Variants in AGBL2 observed in about 807,000 individuals in gnomAD.
AGBL2 encodes the protein cytosolic carboxypeptidase 2.
AGBL2 carries 87 observed loss-of-function variants against 103.0 expected under a neutral mutation model. The ratio of observed to expected loss-of-function variants is 0.84; its 90% CI spans 0.71 to 1.01. The LOEUF (loss-of-function observed/expected upper bound fraction) is 1.01, where lower values mean the gene tolerates loss of function less well. Ranked by LOEUF, AGBL2 falls within the 50% of genes least tolerant of loss-of-function variation. AGBL2 has a pLI of 0.00. For synonymous variants in AGBL2, 335 were observed against 356.7 expected, an observed-to-expected ratio of 0.94 and a Z score of 0.69; for missense variants, 904 against 1,023.5, an observed-to-expected ratio of 0.88 and a Z score of 1.59.
intron 8 of AGBL2, among the ~76,000 whole-genome samples, chr11:47,694,565 T>C (rs1468514799): frequency 2.6e-5 from 4 of 152,178 alleles, no homozygotes; most frequent in East Asian, 3.9e-4. Flanking sequence ...CAGGTAGCTA[T>C]GAGCAGTGTA....
intron 17 of AGBL2, among the ~76,000 whole-genome samples, chr11:47,663,546 A>G (rs1009814945): frequency 1.3e-5 from 2 of 150,316 alleles, no homozygotes; most frequent in African/African-American, 4.9e-5. Flanking sequence ...GTGAGGCCTC[A>G]TTATAGTATT....
chr11:47,682,596 G>T (rs775857430), intron 11 of AGBL2, among the ~76,000 whole-genome samples: 1 of 152,088 alleles, frequency 6.6e-6, no homozygotes, highest in Non-Finnish European at 1.5e-5. Context: ...TTCTGTCTAT[G>T]ATGTGTATTC....
intron 14 of AGBL2, among the ~76,000 whole-genome samples, chr11:47,674,200 A>C (rs2097366736): frequency 6.6e-6 from 1 of 152,132 alleles, no homozygotes; most frequent in African/African-American, 2.4e-5. Context: ...GGGGATAAGG[A>C]GTGGCAGGAG....
intron 13 of AGBL2, among the ~76,000 whole-genome samples, chr11:47,678,667 G>T (rs542796758): frequency 6.6e-6 from 1 of 151,220 alleles, no homozygotes; most frequent in South Asian, 2.1e-4. Flanking sequence ...TTGTTTGTTT[G>T]TTTGTTTGGG....
chr11:47,713,451 G>T (rs2097541391), intron 3 of AGBL2, among the ~76,000 whole-genome samples: 1 of 149,466 alleles, frequency 6.7e-6, no homozygotes, highest in African/African-American at 2.5e-5. Context: ...CTTGAACCTG[G>T]GAGGCAGAGG....
Position 47,669,244 on chromosome 11 carries a change from TTC to T in AGBL2, c.2148-339_2148-338del, listed in dbSNP as rs773879280. Reference sequence around the variant, plus strand: ...CGCCATGCCTGGCTAATTTTTAAAATTCTTGTAGTCACAGGATCCCACTATGT... The same window carrying T: ...CGCCATGCCTGGCTAATTTTTAAAATTTGTAGTCACAGGATCCCACTATGT... On this transcript the variant is annotated intron_variant, in intron 14 of 18. Coordinates refer to ENST00000525123, the MANE Select transcript of AGBL2 (RefSeq NM_024783.4). Among the ~76,000 whole-genome samples, 5 of 152,246 alleles carry T rather than the reference TTC, an allele frequency of 3.3e-5. No individual in the cohort carries two copies. The East Asian group carries it at 9.7e-4, about 29-fold the overall frequency.
At chr11:47,675,375 G>GTTTTTT (rs34044161) in intron 14 of AGBL2, among the ~76,000 whole-genome samples, 1 of 55,098 alleles carries the variant, frequency 1.8e-5, no homozygotes, top group Non-Finnish European at 3.0e-5. Context: ...CCCCTGCTAA[G>GTTTTTT]TTTTTTTTTT....
At chr11:47,671,529 AAAACAAAC>A (rs58799566) in intron 14 of AGBL2, among the ~76,000 whole-genome samples, 2 of 150,850 alleles carry the variant, frequency 1.3e-5, no homozygotes, top group African/African-American at 4.9e-5. Flanking sequence ...CTCCATCTCA[AAAACAAAC>A]AAACAAACAA....
intron 1 of AGBL2, 132 bp from the exon 2 acceptor site, chr11:47,714,882 C>T: frequency 1.8e-6 from 1 of 560,034 alleles, no homozygotes; most frequent in Non-Finnish European, 3.2e-6. Flanking sequence ...ACGCCGAGGC[C>T]AGAGGTGCAT....
intron 9 of AGBL2, among the ~76,000 whole-genome samples, chr11:47,691,748 A>ATATATATATATAT (rs2097448134): frequency 1.0e-5 from 1 of 100,392 alleles, no homozygotes; most frequent in Non-Finnish European, 2.0e-5. Context: ...ATATATATAT[A>ATATATATATATAT]TATATATAAT....
intron 7 of AGBL2, among the ~76,000 whole-genome samples, chr11:47,703,137 T>G (rs1400889142): frequency 6.6e-6 from 1 of 151,900 alleles, no homozygotes; most frequent in African/African-American, 2.4e-5. Context: ...TTAAATTAAT[T>G]TTATATTTAA....
intron 7 of AGBL2, among the ~76,000 whole-genome samples, 165 bp downstream of exon 7, chr11:47,704,378 G>T (rs950670951): frequency 6.6e-6 from 1 of 151,750 alleles, no homozygotes; most frequent in Non-Finnish European, 1.5e-5. Flanking sequence ...TACTCAGTAG[G>T]AGGCTGAGGG....
chr11:47,686,080 G>C, intron 10 of AGBL2, 31 bp from the exon 11 acceptor site: 1 of 1,607,622 alleles, frequency 6.2e-7, no homozygotes, highest in Non-Finnish European at 8.5e-7. Context: ...GGACTCAGTG[G>C]ACACCCAAAT....
intron 7 of AGBL2, among the ~76,000 whole-genome samples, chr11:47,702,076 A>C (rs1246308014): frequency 6.6e-6 from 1 of 151,946 alleles, no homozygotes; most frequent in African/African-American, 2.4e-5. Context: ...GCTTGTGCCC[A>C]GGAGTTCAAG....
In AGBL2 at chr11:47,685,789, A is replaced by G. The variant is rs1598982586; in HGVS notation, c.1788+104T>C. The G allele has an allele frequency of 8.8e-6, 11 of 1,256,042 alleles. No homozygotes were observed. The East Asian group carries it at 2.6e-4, about 30-fold the overall frequency. The allele number at this position is 1,256,042 out of a possible 1,614,324, so 77.8% of individuals were successfully genotyped here. A position where few individuals can be genotyped will look rare whatever the true frequency, so the allele number is the denominator to read the frequency against. ...TCTAGGTTGCTCGGATTTACCAAAG[A>G]TAATAAAAAGAGATACAAAATGCCA... On this transcript the variant is annotated intron_variant, in intron 11 of 18. Coordinates refer to ENST00000525123, the MANE Select transcript of AGBL2 (RefSeq NM_024783.4).
At chr11:47,705,679 G>T in intron 5 of AGBL2, 45 bp from the exon 6 acceptor site, 1 of 619,634 alleles carries the variant, frequency 1.6e-6, no homozygotes, top group East Asian at 2.6e-5. Context: ...AGAAGAAAGG[G>T]AATGAGGAAA....
chr11:47,693,884 A>G (rs549101901), intron 8 of AGBL2, among the ~76,000 whole-genome samples: 2 of 152,224 alleles, frequency 1.3e-5, no homozygotes, highest in South Asian at 4.1e-4. Context: ...GACCAGACAG[A>G]GATTTCTTCA....
intron 3 of AGBL2, among the ~76,000 whole-genome samples, chr11:47,711,550 C>A (rs1365148494): frequency 6.6e-6 from 1 of 152,162 alleles, no homozygotes; most frequent in Non-Finnish European, 1.5e-5. Context: ...GTCTCTCTCC[C>A]CATGAAGAGG....
rs190991170 is a variant in AGBL2 at position 47,669,833 on chromosome 11, G to C, written c.2148-926C>G. Reference sequence around the variant, plus strand: ...TCACCGTGTTAGCCAAGATGGTCTCGATCTCCTGACTTCATGATCCTCCCG... The same window carrying C: ...TCACCGTGTTAGCCAAGATGGTCTCCATCTCCTGACTTCATGATCCTCCCG... On this transcript the variant is annotated intron_variant, in intron 14 of 18. Transcript: ENST00000525123. 1.3e-3 allele frequency among the ~76,000 whole-genome samples: 194 copies of C among 152,212 alleles called. 1 individual carries two copies. Among genetic ancestry groups the C allele is most frequent in the Non-Finnish European group, 2.4e-3 (163 of 68,010 alleles).
Sources: allele counts gnomAD v4.1 joint callset (sites outside exome capture counted in the v4.1 genomes callset), GRCh38; gene constraint gnomAD v4.1.1; transcripts MANE v1.5; gene names NCBI Gene and HGNC (gene_info 2026-07-23, HGNC 2026-07-21).